The following PTPRD variants were observed in gnomAD, a reference collection of about 807,000 sequenced individuals.
The protein encoded by PTPRD is receptor-type tyrosine-protein phosphatase delta.
Under a neutral mutation model 214.5 loss-of-function variants are expected in PTPRD, and 34 were observed. That is an observed-to-expected ratio of 0.16 (90% confidence interval 0.12 to 0.21). PTPRD has a LOEUF of 0.21. Among genes scored for constraint, PTPRD ranks in the 10% least tolerant of loss-of-function variants. PTPRD has a pLI of 1.00. For missense variants in PTPRD, 2,545 were observed against 2,398.7 expected (o/e 1.06, Z -1.27); for synonymous variants, 1,128 against 845.7 (o/e 1.33, Z -5.79).
chr9:9,714,681 C>A (rs1315103705), intron 7 of PTPRD, among the ~76,000 whole-genome samples: 1 of 152,046 alleles, frequency 6.6e-6, no homozygotes, highest in Non-Finnish European at 1.5e-5. Flanking sequence ...ACAGTGAGTA[C>A]TGAAGAGTGG....
At chr9:10,073,587 A>G (rs1193251648) in intron 3 of PTPRD, among the ~76,000 whole-genome samples, 1 of 152,132 alleles carries the variant, frequency 6.6e-6, no homozygotes, top group Non-Finnish European at 1.5e-5. Context: ...CCCAAAGCTG[A>G]AAGATGGCAG....
intron 9 of PTPRD, among the ~76,000 whole-genome samples, chr9:9,397,073 C>CA (rs1569567976): frequency 6.6e-6 from 1 of 151,780 alleles, no homozygotes; most frequent in Admixed American, 6.6e-5. Flanking sequence ...GTAGAGAAAA[C>CA]AAAAAATAAT....
intron 9 of PTPRD, among the ~76,000 whole-genome samples, chr9:9,296,449 T>A (rs1470341608): frequency 2.0e-5 from 3 of 151,840 alleles, no homozygotes; most frequent in Non-Finnish European, 4.4e-5. Context: ...GTTGACCATA[T>A]GTTCAAATAT....
At chr9:10,583,255 T>A (rs183015161) in intron 2 of PTPRD, among the ~76,000 whole-genome samples, 6 of 152,218 alleles carry the variant, frequency 3.9e-5, no homozygotes, top group African/African-American at 1.2e-4. Context: ...GATGCACAAA[T>A]AGCGGGTGAC....
chr9:10,467,629 A>T lies in PTPRD; in HGVS notation c.-599-126612T>A, dbSNP rs549991763. Reference sequence around the variant, plus strand: ...TGATTAAAATTACAATTATATCAATATATATGTATGACAAAAATATACATT... The same window carrying T: ...TGATTAAAATTACAATTATATCAATTTATATGTATGACAAAAATATACATT... On this transcript the variant is annotated intron_variant, in intron 2 of 45. Transcript: ENST00000381196. Among the ~76,000 whole-genome samples the T allele has an allele frequency of 3.9e-5, 6 of 152,160 alleles. No individual in the cohort carries two copies. The South Asian group carries it at 8.3e-4, about 21-fold the overall frequency.
At chr9:9,090,573 G>C (rs1378426617) in intron 10 of PTPRD, among the ~76,000 whole-genome samples, 1 of 152,126 alleles carries the variant, frequency 6.6e-6, no homozygotes, top group Admixed American at 6.5e-5. Context: ...TAGGTCTTCA[G>C]TGGCCATTAT....
intron 13 of PTPRD, among the ~76,000 whole-genome samples, chr9:8,633,916 C>G (rs1564859906): frequency 6.6e-6 from 1 of 151,950 alleles, no homozygotes; most frequent in South Asian, 2.1e-4. Context: ...TTTAAACTGT[C>G]TCATCCTGAA....
At chr9:8,923,010 C>T (rs7858751) in intron 11 of PTPRD, among the ~76,000 whole-genome samples, 106,037 of 150,660 alleles carry the variant, frequency 0.7, 37,670 homozygotes, top group East Asian at 0.86. Context: ...TTCTCTTCTT[C>T]CTTTGTTTCT....
chr9:10,514,644 T>A (rs60229921), intron 2 of PTPRD, among the ~76,000 whole-genome samples: 1,853 of 151,992 alleles, frequency 0.012, 31 homozygotes, highest in African/African-American at 0.041. Flanking sequence ...GTTAACCAAG[T>A]GACTTTTTTT....
chr9:9,041,784 G>A (rs16928808), intron 10 of PTPRD, among the ~76,000 whole-genome samples: 32,228 of 152,114 alleles, frequency 0.21, 3,893 homozygotes, highest in Non-Finnish European at 0.28. Flanking sequence ...GAAACGTCCA[G>A]TGACATGCTC....
At chr9:8,836,071 G>A (rs1348803463) in intron 11 of PTPRD, among the ~76,000 whole-genome samples, 3 of 152,102 alleles carry the variant, frequency 2.0e-5, no homozygotes, top group Admixed American at 6.5e-5. Flanking sequence ...ATAAATTTCA[G>A]AGCAACATCG....
In PTPRD at chr9:8,934,466, T is replaced by A. The variant is rs1314326180; in HGVS notation, c.-104+84231A>T. Reference sequence around the variant, plus strand: ...ATATATAAATTTATATATATATAAATATATATATATAAATATATATATATA... The same window carrying A: ...ATATATAAATTTATATATATATAAAAATATATATATAAATATATATATATA... On this transcript the variant is annotated intron_variant, in intron 11 of 45. Coordinates refer to ENST00000381196, the MANE Select transcript of PTPRD (RefSeq NM_002839.4). 1.2e-3 allele frequency among the ~76,000 whole-genome samples: 32 copies of A among 26,136 alleles called. 1 individual carries two copies. The highest frequency in any genetic ancestry group is 6.3e-3 in the African/African-American group (21 of 3,334). The allele number at this position is 26,136 out of a possible 152,430, so 17.1% of individuals were successfully genotyped here.
At chr9:9,804,549 A>G (rs2099061421) in intron 5 of PTPRD, among the ~76,000 whole-genome samples, 1 of 152,136 alleles carries the variant, frequency 6.6e-6, no homozygotes, top group African/African-American at 2.4e-5. Context: ...TCTTTTGAGG[A>G]AGACTCTCAG....
rs140949012 is a variant in PTPRD at position 9,197,549 on chromosome 9, T to C, written c.-202-14186A>G. Among the ~76,000 whole-genome samples the C allele has an allele frequency of 4.3e-4, 65 of 152,304 alleles. No homozygotes were observed. The East Asian group carries it at 0.011, about 26-fold the overall frequency. On this transcript the variant is annotated intron_variant, in intron 9 of 45. Transcript: ENST00000381196. The stretch of plus-strand genomic sequence containing the variant: ...CCCCACCCTCTCGAGTAGCTGGGAT[T>C]ACAGGCGCGTGCCACCACACCCAGA...
chr9:10,317,027 C>G (rs1408251824), intron 3 of PTPRD, among the ~76,000 whole-genome samples: 1 of 151,894 alleles, frequency 6.6e-6, no homozygotes, highest in Non-Finnish European at 1.5e-5. Context: ...ATTTTCTGTA[C>G]AGAGATCCCT....
chr9:10,054,553 T>C (rs1417163522), intron 3 of PTPRD, among the ~76,000 whole-genome samples: 1 of 152,112 alleles, frequency 6.6e-6, no homozygotes, highest in Admixed American at 6.6e-5. Context: ...TTTTGAGATG[T>C]GAATCTCCCA....
At chr9:10,277,183 AC>A (rs1477949807) in intron 3 of PTPRD, among the ~76,000 whole-genome samples, 1 of 87,168 alleles carries the variant, frequency 1.1e-5, no homozygotes, top group South Asian at 3.7e-4. Context: ...TAGTAAAAAA[AC>A]AACATAAACA....
intron 39 of PTPRD, among the ~76,000 whole-genome samples, chr9:8,346,853 T>A (rs930230345): frequency 6.6e-6 from 1 of 152,140 alleles, no homozygotes; most frequent in Non-Finnish European, 1.5e-5. Flanking sequence ...GAATCAATCC[T>A]CTATATGTAC....
At chr9:10,382,575 A>G (rs1482136604) in intron 2 of PTPRD, among the ~76,000 whole-genome samples, 1 of 151,902 alleles carries the variant, frequency 6.6e-6, no homozygotes, top group Non-Finnish European at 1.5e-5. Flanking sequence ...ACTATCATAT[A>G]CCCATGTCTA....
Sources: gnomAD v4.1 joint callset for allele counts (sites outside exome capture counted in the v4.1 genomes callset) on GRCh38, gnomAD v4.1.1 for gene constraint, MANE v1.5 for transcripts, NCBI Gene and HGNC (gene_info 2026-07-23, HGNC 2026-07-21) for gene names.